Variants in DLGAP2 observed in about 807,000 individuals in gnomAD.
DLGAP2 encodes disks large-associated protein 2.
A neutral mutation model predicts 100.3 loss-of-function variants in DLGAP2; 26 were observed. The observed-to-expected ratio is 0.26, with a 90% CI of 0.19 to 0.36. DLGAP2 has a LOEUF of 0.36. Among genes scored for constraint, DLGAP2 ranks in the 10% least tolerant of loss-of-function variants. The pLI is 1.00. For synonymous variants in DLGAP2, 886 were observed against 630.1 expected (o/e 1.41, Z -6.08); for missense variants, 1,858 against 1,453.2 (o/e 1.28, Z -4.53).
intron 3 of DLGAP2, among the ~76,000 whole-genome samples, chr8:1,344,042 A>G (rs1267565479): frequency 7.4e-6 from 1 of 135,698 alleles, no homozygotes; most frequent in Non-Finnish European, 1.6e-5. Context: ...CAGAATAAAC[A>G]GGTCCTGTCT....
intron 2 of DLGAP2, among the ~76,000 whole-genome samples, chr8:1,058,710 C>G (rs552127000): frequency 2.0e-5 from 3 of 152,290 alleles, no homozygotes; most frequent in African/African-American, 7.2e-5. Context: ...TGGTTGTCAC[C>G]TCTTAAGACA....
intron 3 of DLGAP2, chr8:1,300,575 AC>A (rs1195827937): frequency 6.6e-6 from 1 of 152,290 alleles, no homozygotes; most frequent in Non-Finnish European, 1.5e-5. Context: ...TGGGGTCAGC[AC>A]CCAGCACAAA....
intron 6 of DLGAP2, 74 bp downstream of exon 6, chr8:1,565,968 C>A: frequency 7.6e-7 from 1 of 1,320,444 alleles, no homozygotes; most frequent in Non-Finnish European, 1.0e-6. Context: ...AAAACCACTT[C>A]ACCGTGAGCT....
intron 3 of DLGAP2, among the ~76,000 whole-genome samples, chr8:1,374,377 G>A (rs1802339430): frequency 6.6e-6 from 1 of 151,972 alleles, no homozygotes; most frequent in South Asian, 2.1e-4. Flanking sequence ...CCTCAGCAGG[G>A]AGGCAGCTCC....
intron 6 of DLGAP2, among the ~76,000 whole-genome samples, chr8:1,614,609 C>G (rs1797089371): frequency 6.6e-6 from 1 of 152,234 alleles, no homozygotes; most frequent in Admixed American, 6.5e-5. Context: ...CCAGGCGGAG[C>G]CCCCTGTGGC....
At chr8:1,163,201 T>C (rs936122577) in intron 2 of DLGAP2, among the ~76,000 whole-genome samples, 6 of 152,228 alleles carry the variant, frequency 3.9e-5, no homozygotes, top group Admixed American at 6.5e-5. Flanking sequence ...GACGTGTCTG[T>C]GCCAGTGAAA....
intron 3 of DLGAP2, among the ~76,000 whole-genome samples, chr8:1,348,511 G>GGTAGCTGTGTGGAGGTTGAGTTTCCAC (rs1563097781): frequency 2.7e-5 from 4 of 146,192 alleles, no homozygotes; most frequent in Non-Finnish European, 4.5e-5. Flanking sequence ...TTGCACTCAT[G>GGTAGCTGTGTGGAGGTTGAGTTTCCAC]ATAGCTGTTT....
intron 3 of DLGAP2, among the ~76,000 whole-genome samples, chr8:1,342,570 C>T (rs545139779): frequency 1.4e-4 from 22 of 152,300 alleles, no homozygotes; most frequent in African/African-American, 4.3e-4. Flanking sequence ...GGGTAAGTTT[C>T]GATTCCTGAC....
At chr8:852,748 G>T (rs1412104420) in intron 1 of DLGAP2, among the ~76,000 whole-genome samples, 1 of 152,220 alleles carries the variant, frequency 6.6e-6, no homozygotes, top group Non-Finnish European at 1.5e-5. Flanking sequence ...AAGGCTGAGT[G>T]CATTCTCGGG....
intron 2 of DLGAP2, among the ~76,000 whole-genome samples, chr8:1,155,776 GC>G (rs1381565165): frequency 6.6e-6 from 1 of 152,168 alleles, no homozygotes; most frequent in Non-Finnish European, 1.5e-5. Flanking sequence ...GGGCTGGGAC[GC>G]CCCGGTTCGG....
intron 3 of DLGAP2, among the ~76,000 whole-genome samples, chr8:1,389,659 G>T (rs1337482369): frequency 6.6e-6 from 1 of 152,124 alleles, no homozygotes; most frequent in Non-Finnish European, 1.5e-5. Context: ...AGATTGTGCA[G>T]AATGGATGCA....
intron 2 of DLGAP2, among the ~76,000 whole-genome samples, chr8:1,056,706 C>G (rs1802892714): frequency 6.6e-6 from 1 of 152,210 alleles, no homozygotes; most frequent in South Asian, 2.1e-4. Context: ...TCAGACTGAG[C>G]TGGATTTGAA....
At chr8:854,476 T>C (rs944389078) in intron 1 of DLGAP2, among the ~76,000 whole-genome samples, 12 of 152,024 alleles carry the variant, frequency 7.9e-5, no homozygotes, top group African/African-American at 2.9e-4. Context: ...CTTGCTGTAT[T>C]GTCCTGTAGC....
chr8:1,364,992 G>T (rs987098526), intron 3 of DLGAP2, among the ~76,000 whole-genome samples: 9 of 152,194 alleles, frequency 5.9e-5, no homozygotes, highest in Non-Finnish European at 1.2e-4. Context: ...TGTTCACAGG[G>T]ATGGGAACCG....
At chr8:809,542 A>G (rs1796332216) in intron 1 of DLGAP2, among the ~76,000 whole-genome samples, 1 of 151,026 alleles carries the variant, frequency 6.6e-6, no homozygotes, top group Admixed American at 6.6e-5. Context: ...GAGTCTGTCT[A>G]GTTTGAAGTG....
At chr8:1,365,560 C>T (rs1162607365) in intron 3 of DLGAP2, among the ~76,000 whole-genome samples, 3 of 152,150 alleles carry the variant, frequency 2.0e-5, no homozygotes, top group Non-Finnish European at 4.4e-5. Flanking sequence ...GAAGTTTGCT[C>T]GCCGAGATAA....
chr8:1,186,965 CAT>C (rs1258380307), intron 2 of DLGAP2, among the ~76,000 whole-genome samples: 3 of 152,188 alleles, frequency 2.0e-5, no homozygotes, highest in Admixed American at 6.5e-5. Context: ...TTGTTTTCCA[CAT>C]GTTTCCATCA....
intron 2 of DLGAP2, among the ~76,000 whole-genome samples, chr8:1,179,945 T>G (rs1797344470): frequency 6.6e-6 from 1 of 152,174 alleles, no homozygotes; most frequent in Admixed American, 6.5e-5. Context: ...CCTTTAGAAA[T>G]AAAGATTGGA....
At chr8:1,091,283 G>T (rs1304124740) in intron 2 of DLGAP2, among the ~76,000 whole-genome samples, 1 of 152,206 alleles carries the variant, frequency 6.6e-6, no homozygotes, top group Admixed American at 6.5e-5. Flanking sequence ...GGCCTGTGAG[G>T]ATTAAATCTG....
Sources: allele counts gnomAD v4.1 joint callset (sites outside exome capture counted in the v4.1 genomes callset), GRCh38; gene constraint gnomAD v4.1.1; transcripts MANE v1.5; gene names NCBI Gene and HGNC (gene_info 2026-07-23, HGNC 2026-07-21).